The following GAS6 variants were observed in gnomAD, a reference collection of about 807,000 sequenced individuals.
GAS6 encodes the protein growth arrest-specific protein 6.
Under a neutral mutation model 75.8 loss-of-function variants are expected in GAS6, and 41 were observed. The observed-to-expected ratio is 0.54, with a 90% CI of 0.42 to 0.70. The LOEUF is 0.70. Ranked by LOEUF, GAS6 falls within the 30% of genes least tolerant of loss-of-function variation. The pLI is 0.00. For missense variants in GAS6, 854 were observed against 940.2 expected (o/e 0.91, Z 1.20); for synonymous variants, 432 against 412.6 (o/e 1.05, Z -0.57).
chr13:113,840,012 G>T, intron 4 of GAS6, 162 bp from the exon 5 acceptor site: 1 of 980,948 alleles, frequency 1.0e-6, no homozygotes, highest in Non-Finnish European at 1.5e-6. Context: ...CTCTGTGCTG[G>T]CCTAGGGCTG....
At chr13:113,826,059 G>A (rs1423401984) in intron 12 of GAS6, among the ~76,000 whole-genome samples, 1 of 152,182 alleles carries the variant, frequency 6.6e-6, no homozygotes, top group Admixed American at 6.5e-5. Context: ...GTGGGAATGT[G>A]AGGCAGGGTG....
At chr13:113,852,723 G>A (rs564450298) in intron 2 of GAS6, among the ~76,000 whole-genome samples, 3 of 152,326 alleles carry the variant, frequency 2.0e-5, no homozygotes, top group African/African-American at 7.2e-5. Flanking sequence ...GCCACCCACA[G>A]GGCAAAGGTC....
intron 12 of GAS6, 122 bp from the exon 13 acceptor site, chr13:113,823,672 A>G (rs1405182881): frequency 5.3e-6 from 5 of 948,030 alleles, no homozygotes; most frequent in Non-Finnish European, 7.7e-6. Context: ...ACAGCCCCGG[A>G]TCTGGGACGT....
At position 113,845,558 on chromosome 13, in the gene GAS6, A is replaced by G. The variant is rs542814638; in HGVS notation, c.343+969T>C. On this transcript the variant is annotated intron_variant, in intron 4 of 14. Coordinates refer to ENST00000327773, the MANE Select transcript of GAS6 (RefSeq NM_000820.4). The surrounding 1 kb of genome is among the most constrained non-coding windows in gnomAD (Gnocchi z 4.3). ...CACCCAAAACAATCAATCTTATTGCATGATAATTTTAAAATAATAAAAAAG... is the reference window on the plus strand; with the variant it reads ...CACCCAAAACAATCAATCTTATTGCGTGATAATTTTAAAATAATAAAAAAG... 35 of 150,394 alleles carry G rather than the reference A, an allele frequency of 2.3e-4. 3 individuals carry two copies. Among genetic ancestry groups the G allele is most frequent in the African/African-American group, 8.8e-4 (35 of 39,884 alleles). 9.3% of individuals were successfully genotyped at this position (150,394 alleles called of 1,614,324 possible). A position where few individuals can be genotyped will look rare whatever the true frequency, so the allele number is the denominator to read the frequency against.
chr13:113,834,504 GC>G, intron 8 of GAS6, 46 bp downstream of exon 8: 8 of 1,451,074 alleles, frequency 5.5e-6, no homozygotes, highest in Admixed American at 5.6e-5. Flanking sequence ...ACCGGCGAGG[GC>G]CCCCGGAACC....
chr13:113,828,781 CCA>C lies in GAS6; in HGVS notation c.1144-72_1144-71del, dbSNP rs1366153252. ...TGAAGGGGCTCCCAACTGAGAAAAA[CCA>C]CACTCATCCTCTCCTGAGCCAAGAG... is the stretch of plus-strand genomic sequence containing the variant. On this transcript the variant is annotated intron_variant, in intron 10 of 14. Transcript: ENST00000327773. The C allele has an allele frequency of 3.3e-6, 5 of 1,523,924 alleles. No individual in the cohort carries two copies. In the Admixed American group the frequency reaches 7.1e-5, roughly 22 times the overall value. 94.4% of individuals were successfully genotyped at this position (1,523,924 alleles called of 1,614,324 possible). A position where few individuals can be genotyped will look rare whatever the true frequency, so the allele number is the denominator to read the frequency against.
At chr13:113,824,532 C>T (rs1424013963) in intron 12 of GAS6, among the ~76,000 whole-genome samples, 1 of 152,304 alleles carries the variant, frequency 6.6e-6, no homozygotes, top group East Asian at 1.9e-4. Context: ...AAAAAACTTC[C>T]GCCCTGTTTT....
intron 2 of GAS6, among the ~76,000 whole-genome samples, chr13:113,851,679 GTGAA>G (rs1002092627): frequency 6.6e-6 from 1 of 152,186 alleles, no homozygotes; most frequent in African/African-American, 2.4e-5. Flanking sequence ...GGGTGGATGG[GTGAA>G]TGAATGAATC....
At chr13:113,821,076 G>A in intron 14 of GAS6, 58 bp from the exon 15 acceptor site, 1 of 1,575,752 alleles carries the variant, frequency 6.3e-7, no homozygotes, top group Non-Finnish European at 8.7e-7. Flanking sequence ...GCCCCGCCTG[G>A]CCCCCCCACC....
Position 113,827,998 on chromosome 13 carries a change from G to A in GAS6, c.1308+549C>T, listed in dbSNP as rs577518922. Among the ~76,000 whole-genome samples the A allele has an allele frequency of 9.2e-5, 14 of 152,310 alleles. No individual in the cohort carries two copies. In the South Asian group the frequency reaches 2.1e-3, roughly 23 times the overall value. On this transcript the variant is annotated intron_variant, in intron 11 of 14. Coordinates refer to ENST00000327773, the MANE Select transcript of GAS6 (RefSeq NM_000820.4). The stretch of plus-strand genomic sequence containing the variant: ...GTTCTGTTAAAGAATAATTTCGGCC[G>A]GGCGCGGTGGCTCACGCCTGTAATC...
In GAS6 at chr13:113,861,547, T is replaced by C. The variant is rs190256183; in HGVS notation, c.255+2028A>G. On this transcript the variant is annotated intron_variant, in intron 2 of 14. Coordinates refer to ENST00000327773, the MANE Select transcript of GAS6 (RefSeq NM_000820.4). ...GACAGGGAGAAGTTCATGGATGATT[T>C]TCATGCATTAGCAGGAAGTTGTGCT... 2.0e-5 allele frequency among the ~76,000 whole-genome samples: 3 copies of C among 152,338 alleles called. No homozygotes were observed. The East Asian group carries it at 5.8e-4, about 29-fold the overall frequency.
intron 2 of GAS6, among the ~76,000 whole-genome samples, chr13:113,853,973 C>T (rs543587716): frequency 6.6e-6 from 1 of 152,320 alleles, no homozygotes; most frequent in South Asian, 2.1e-4. Context: ...ATCCCACTGC[C>T]CACAGGAGGC....
chr13:113,832,093 C>T (rs1472288514), intron 10 of GAS6, among the ~76,000 whole-genome samples: 4 of 131,558 alleles, frequency 3.0e-5, no homozygotes, highest in African/African-American at 8.7e-5. Context: ...CAGGGGTCCC[C>T]GTCCCCCGGA....
intron 8 of GAS6, chr13:113,833,335 C>T: frequency 1.0e-6 from 1 of 999,440 alleles, no homozygotes; most frequent in South Asian, 4.4e-5. Flanking sequence ...CAAAGAACCT[C>T]AAGGCGAGGG....
At chr13:113,862,629 A>G (rs1025613907) in intron 2 of GAS6, among the ~76,000 whole-genome samples, 1 of 152,228 alleles carries the variant, frequency 6.6e-6, no homozygotes, top group African/African-American at 2.4e-5. Flanking sequence ...CACAGTGGCC[A>G]TCTGACAGCC....
intron 4 of GAS6, chr13:113,840,178 G>C (rs2051761107): frequency 3.2e-6 from 1 of 314,754 alleles, no homozygotes; most frequent in African/African-American, 2.2e-5. Flanking sequence ...CTCCCAGGGA[G>C]TAGGCACACA....
At chr13:113,829,282 G>A (rs946453595) in intron 10 of GAS6, among the ~76,000 whole-genome samples, 5 of 149,760 alleles carry the variant, frequency 3.3e-5, no homozygotes, top group African/African-American at 5.0e-5. Context: ...CCCAATCTCA[G>A]GGAGGCCACC....
At chr13:113,827,784 ACGT>A (rs1363914500) in intron 11 of GAS6, among the ~76,000 whole-genome samples, 1 of 152,182 alleles carries the variant, frequency 6.6e-6, no homozygotes, top group Non-Finnish European at 1.5e-5. Flanking sequence ...GACGGCTTAG[ACGT>A]CAGCACGTGG....
At position 113,837,526 on chromosome 13, in the gene GAS6, G is replaced by A. The variant is rs1393522253; in HGVS notation, c.589+543C>T. Among the ~76,000 whole-genome samples the A allele has an allele frequency of 6.6e-6, 1 of 152,188 alleles. No individual in the cohort carries two copies. Among genetic ancestry groups the A allele is most frequent in the Non-Finnish European group, 1.5e-5 (1 of 68,026 alleles). ...TGGCAGCAGCAGCACCTGGAACAGCGTCGGGGGCGCGCACATTCACAGTGA... is the reference window on the plus strand; with the variant it reads ...TGGCAGCAGCAGCACCTGGAACAGCATCGGGGGCGCGCACATTCACAGTGA... On this transcript the variant is annotated intron_variant, in intron 6 of 14. Transcript: ENST00000327773. The surrounding 1 kb of genome is among the most constrained non-coding windows in gnomAD (Gnocchi z 5.1).
Sources: gnomAD v4.1 joint callset for allele counts (sites outside exome capture counted in the v4.1 genomes callset) on GRCh38, gnomAD v4.1.1 for gene constraint, Gnocchi (gnomAD v3.1) non-coding constraint, MANE v1.5 for transcripts, NCBI Gene and HGNC (gene_info 2026-07-23, HGNC 2026-07-21) for gene names.